SLC6A17: variants seen among roughly 807,000 people sequenced by gnomAD.
The protein encoded by SLC6A17 is sodium-dependent neutral amino acid transporter SLC6A17.
SLC6A17 carries 21 observed loss-of-function variants against 64.5 expected under a neutral mutation model. That is an observed-to-expected ratio of 0.33 (90% CI 0.23 to 0.47). SLC6A17 has a LOEUF of 0.47. Among genes scored for constraint, SLC6A17 ranks in the 20% least tolerant of loss-of-function variants. SLC6A17 has a pLI of 1.00. For synonymous variants in SLC6A17, 372 were observed against 399.5 expected, an observed-to-expected ratio of 0.93 and a Z score of 0.82; for missense variants, 682 against 963.2, an observed-to-expected ratio of 0.71 and a Z score of 3.86.
Position 110,192,721 on chromosome 1 carries a change from C to T in SLC6A17, c.1299+23C>T. ...AAGGTGCGGGGACAGGCTGCCCTTC[C>T]CAGGACAGGCAGGAACCCAGAGAGC... On this transcript the variant is annotated intron_variant, in intron 8 of 11. Transcript: ENST00000331565. This position sits in a 1 kb window ranked among gnomAD's most constrained non-coding sequence, Gnocchi z 4.3. 6.2e-7 allele frequency: 1 copy of T among 1,600,904 alleles called. No homozygotes were observed.
intron 5 of SLC6A17, among the ~76,000 whole-genome samples, chr1:110,175,712 T>C (rs566307270): frequency 7.2e-5 from 11 of 152,322 alleles, no homozygotes; most frequent in African/African-American, 2.4e-4. Context: ...TCGGGTTCTT[T>C]TCCAGATTTG....
At chr1:110,178,587 A>T (rs1287783529) in intron 6 of SLC6A17, 1 of 153,114 alleles carries the variant, frequency 6.5e-6, no homozygotes, top group Non-Finnish European at 1.5e-5. Context: ...AAAATTCCTT[A>T]GACTGGATAA....
intron 1 of SLC6A17, among the ~76,000 whole-genome samples, chr1:110,154,706 C>T (rs987122705): frequency 1.3e-5 from 2 of 151,996 alleles, no homozygotes; most frequent in Admixed American, 6.5e-5. Flanking sequence ...GAGTCAGAGC[C>T]GGTGGATGTT....
Position 110,192,481 on chromosome 1 carries a change from T to C in SLC6A17, c.1107-25T>C. 1 of 1,598,670 alleles carries C rather than the reference T, an allele frequency of 6.3e-7. No homozygotes were observed. The highest frequency in any genetic ancestry group is 8.5e-7 in the Non-Finnish European group (1 of 1,172,096). On this transcript the variant is annotated intron_variant, in intron 7 of 11. Transcript: ENST00000331565. The surrounding 1 kb of genome is among the most constrained non-coding windows in gnomAD (Gnocchi z 4.3). ...CATTGCCCACCCCTGCCTTCTTACC[T>C]GGTCCTCTCGGTTTTGTGCTGCAGG...
rs149405245 is a variant in SLC6A17, at chr1:110,167,169, C to T, written c.240C>T (p.Leu80=). ...CCCAGATTGGCTTCTCTGTGGGCCTCGGCAACATCTGGAGGTTCCCCTACC... is the reference window on the plus strand; with the variant it reads ...CCCAGATTGGCTTCTCTGTGGGCCTTGGCAACATCTGGAGGTTCCCCTACC... ...ILAQIGFSVG[L]GNIWRFPYLC... The change falls in exon 2 of 12, where the codon CTC becomes CTT. Residue 80 remains leucine (L), a synonymous_variant. Transcript: ENST00000331565. 7.4e-6 allele frequency: 12 copies of T among 1,613,564 alleles called. No individual in the cohort carries two copies. Among genetic ancestry groups the T allele is most frequent in the African/African-American group, 4.0e-5 (3 of 74,850 alleles).
chr1:110,194,740 C>A lies in SLC6A17; in HGVS notation c.1461C>A (p.Asp487Glu). 1 of 1,614,066 alleles carries A rather than the reference C, an allele frequency of 6.2e-7. No homozygotes were observed. Among genetic ancestry groups the A allele is most frequent in the Non-Finnish European group, 8.5e-7 (1 of 1,180,046 alleles). Residue 487 changes from aspartate to glutamate, a missense_variant, in exon 9 of 12, where the codon GAC (aspartate) becomes GAA (glutamate). Physicochemically the swap from Asp to Glu is conservative, Grantham distance 45. Coordinates refer to ENST00000331565, the MANE Select transcript of SLC6A17 (RefSeq NM_001010898.4). ...CAGGCATCACCACGCCCATCATCGA[C>A]ACCTTCAAGGTGCCCAAGGAGATGT... Reference protein sequence around the residue: ...TMAGITTPIIDTFKVPKEMFT... With the variant: ...TMAGITTPIIETFKVPKEMFT...
intron 6 of SLC6A17, among the ~76,000 whole-genome samples, chr1:110,179,038 G>A (rs1656444433): frequency 2.0e-5 from 3 of 152,142 alleles, no homozygotes; most frequent in African/African-American, 7.2e-5. Flanking sequence ...CATATTATAT[G>A]TATTCTGCAA....
chr1:110,157,307 G>T (rs532052060), intron 1 of SLC6A17, among the ~76,000 whole-genome samples: 1 of 152,278 alleles, frequency 6.6e-6, no homozygotes, highest in East Asian at 1.9e-4. Flanking sequence ...AGGTGTGGTG[G>T]CTGACACCTG....
At chr1:110,181,866 G>A (rs535930) in intron 6 of SLC6A17, among the ~76,000 whole-genome samples, 73,363 of 152,014 alleles carry the variant, frequency 0.48, 18,115 homozygotes, top group Non-Finnish European at 0.54. Context: ...AGGAGGGGAA[G>A]GAGGTAGGAC....
intron 6 of SLC6A17, among the ~76,000 whole-genome samples, chr1:110,183,818 G>A (rs1300882419): frequency 1.3e-5 from 2 of 152,068 alleles, no homozygotes; most frequent in Non-Finnish European, 2.9e-5. Context: ...ATTTTTCGCA[G>A]TGAAGTAGGA....
chr1:110,188,811 C>T (rs868818598), intron 6 of SLC6A17, among the ~76,000 whole-genome samples: 1 of 152,234 alleles, frequency 6.6e-6, no homozygotes, highest in African/African-American at 2.4e-5. Context: ...CTCCGAGGAC[C>T]TGCTTACCCA....
At chr1:110,174,684 C>G (rs569531368) in intron 4 of SLC6A17, 95 bp from the exon 5 acceptor site, 1 of 1,475,340 alleles carries the variant, frequency 6.8e-7, no homozygotes, top group African/African-American at 1.4e-5. Context: ...CTCAGCAGCT[C>G]CCTCACCCAC....
At chr1:110,185,190 G>A (rs928572310) in intron 6 of SLC6A17, among the ~76,000 whole-genome samples, 11 of 152,220 alleles carry the variant, frequency 7.2e-5, no homozygotes, top group African/African-American at 2.2e-4. Context: ...CTCAGTTTCC[G>A]CAATGGCAAG....
intron 6 of SLC6A17, among the ~76,000 whole-genome samples, chr1:110,180,517 G>A (rs1173613333): frequency 1.3e-5 from 2 of 152,160 alleles, no homozygotes; most frequent in Non-Finnish European, 2.9e-5. Flanking sequence ...TGAGGCCAAT[G>A]GTGATGGCTG....
intron 1 of SLC6A17, among the ~76,000 whole-genome samples, chr1:110,154,864 C>T (rs1021282052): frequency 7.9e-5 from 12 of 152,206 alleles, no homozygotes; most frequent in African/African-American, 2.7e-4. Context: ...ACTACTAACA[C>T]TTCAAGGTTA....
At chr1:110,170,617 G>C (rs1204678049) in intron 2 of SLC6A17, among the ~76,000 whole-genome samples, 2 of 152,234 alleles carry the variant, frequency 1.3e-5, no homozygotes, top group Non-Finnish European at 2.9e-5. Context: ...CTAAGCATGT[G>C]GCCCTTTGGG....
At chr1:110,158,244 A>G (rs1407204732) in intron 1 of SLC6A17, among the ~76,000 whole-genome samples, 1 of 152,102 alleles carries the variant, frequency 6.6e-6, no homozygotes, top group Non-Finnish European at 1.5e-5. Context: ...ATTTAAAAAT[A>G]TTTTAAATGC....
chr1:110,166,738 C>T (rs899902124), intron 1 of SLC6A17, 105 bp from the exon 2 acceptor site: 11 of 639,754 alleles, frequency 1.7e-5, no homozygotes, highest in African/African-American at 7.3e-5. Flanking sequence ...GGCCCTTGAC[C>T]TGCCTCACAG....
chr1:110,158,780 T>C, intron 1 of SLC6A17, among the ~76,000 whole-genome samples: 1 of 152,214 alleles, frequency 6.6e-6, no homozygotes, highest in East Asian at 1.9e-4. Flanking sequence ...TCAGTGCAGA[T>C]CCAGGGGCTT....
Sources: allele counts gnomAD v4.1 joint callset (sites outside exome capture counted in the v4.1 genomes callset), GRCh38; gene constraint gnomAD v4.1.1; non-coding constraint Gnocchi (gnomAD v3.1); transcripts MANE v1.5; gene names NCBI Gene and HGNC (gene_info 2026-07-23, HGNC 2026-07-21).